MICU3: variants seen among roughly 807,000 people sequenced by gnomAD.
The protein encoded by MICU3 is mitochondrial calcium uptake 3.
In MICU3, 62 loss-of-function variants were observed where a neutral mutation model predicts 66.5. That is an observed-to-expected ratio of 0.93 (90% confidence interval 0.76 to 1.15). The LOEUF (loss-of-function observed/expected upper bound fraction) is 1.15. Among genes scored for constraint, MICU3 ranks in the 50% most tolerant of loss-of-function variants. MICU3 has a pLI of 0.00. For missense variants in MICU3, 779 were observed against 664.4 expected (o/e 1.17, Z -1.90); for synonymous variants, 308 against 240.7 (o/e 1.28, Z -2.59).
rs529461687 is a variant in MICU3, at chr8:17,080,687, T to C, written c.647-1006T>C. ...CTGTCTATAGGTCACAATATTCTAGTATAAACAAAAGAAGGGAATGAATGC... is the reference window on the plus strand; with the variant it reads ...CTGTCTATAGGTCACAATATTCTAGCATAAACAAAAGAAGGGAATGAATGC... On this transcript the variant is annotated intron_variant, in intron 4 of 14. Transcript: ENST00000318063. Among the ~76,000 whole-genome samples the C allele has an allele frequency of 5.6e-4, 85 of 152,234 alleles. 1 individual carries two copies. The highest frequency in any genetic ancestry group is 1.9e-3 in the African/African-American group (79 of 41,558).
chr8:17,070,825 G>T (rs1585331950), intron 3 of MICU3, among the ~76,000 whole-genome samples: 1 of 151,962 alleles, frequency 6.6e-6, no homozygotes, highest in Non-Finnish European at 1.5e-5. Flanking sequence ...CCCTGGTAAT[G>T]AATGCTGAAA....
intron 3 of MICU3, among the ~76,000 whole-genome samples, chr8:17,073,276 A>C (rs567165037): frequency 3.9e-5 from 6 of 152,026 alleles, no homozygotes; most frequent in Non-Finnish European, 7.4e-5. Context: ...ATTTACAGCC[A>C]CTCTCCATCA....
intron 3 of MICU3, among the ~76,000 whole-genome samples, chr8:17,070,984 C>A (rs1483405401): frequency 1.3e-5 from 2 of 152,054 alleles, no homozygotes; most frequent in African/African-American, 4.8e-5. Context: ...CAGAGTTGGA[C>A]AGTGTGAGAT....
chr8:17,037,761 C>A (rs931779896), intron 1 of MICU3, among the ~76,000 whole-genome samples: 3 of 152,190 alleles, frequency 2.0e-5, no homozygotes, highest in Non-Finnish European at 4.4e-5. Flanking sequence ...CCCATGAAAG[C>A]AGCCGGGAGT....
In MICU3 at chr8:17,086,996, G is replaced by T. The variant is rs578221124; in HGVS notation, c.810G>T (p.Lys270Asn). The T allele has an allele frequency of 1.3e-4, 215 of 1,606,780 alleles. 5 individuals carry two copies. In the South Asian group the frequency reaches 2.2e-3, roughly 17 times the overall value. The part of the protein sequence containing the change: ...LQEIFRKKNE[K>N]REIKGDEEKR... ...AGATATTCAGGAAAAAAAATGAAAA[G>T]AGAGAAATTAAAGGAGATGAAGAAA... Residue 270 changes from lysine (K) to asparagine (N), a missense_variant, in exon 7 of 15, where the codon AAG (lysine) becomes AAT (asparagine). By Grantham distance (94) the Lys-to-Asn change is moderately conservative. Transcript: ENST00000318063.
At chr8:17,040,553 T>G (rs774703752) in intron 1 of MICU3, among the ~76,000 whole-genome samples, 2 of 152,216 alleles carry the variant, frequency 1.3e-5, no homozygotes, top group Non-Finnish European at 1.5e-5. Flanking sequence ...GTAGTAGCTT[T>G]AGCAGTAATG....
the MICU3 span, chr8:17,132,232 A>T: frequency 6.6e-6 from 1 of 152,238 alleles, no homozygotes; most frequent in Non-Finnish European, 1.5e-5. Context: ...AAGTACATAC[A>T]CATGAAAAGC....
intron 4 of MICU3, among the ~76,000 whole-genome samples, chr8:17,079,600 T>C (rs1179664680): frequency 1.3e-5 from 2 of 152,118 alleles, no homozygotes; most frequent in African/African-American, 4.8e-5. Context: ...GGGAGTGCAG[T>C]GGTGCCATCA....
chr8:17,074,590 CGT>C (rs35861279), intron 3 of MICU3, among the ~76,000 whole-genome samples: 10,326 of 141,816 alleles, frequency 0.073, 389 homozygotes, highest in Middle Eastern at 0.15. Flanking sequence ...GATGTTAAAA[CGT>C]GTGTGTGTGT....
At chr8:17,068,547 C>T (rs1458692793) in intron 2 of MICU3, among the ~76,000 whole-genome samples, 1 of 152,120 alleles carries the variant, frequency 6.6e-6, no homozygotes, top group Non-Finnish European at 1.5e-5. Context: ...GCACCAGTGT[C>T]ATAGTTAAGT....
chr8:17,057,176 C>T (rs906781095), intron 1 of MICU3, among the ~76,000 whole-genome samples: 1 of 152,128 alleles, frequency 6.6e-6, no homozygotes, highest in Non-Finnish European at 1.5e-5. Flanking sequence ...TAAGTAGCAG[C>T]CTAACACCAA....
At chr8:17,107,726 ACT>A (rs1188027500) in intron 11 of MICU3, among the ~76,000 whole-genome samples, 1 of 152,132 alleles carries the variant, frequency 6.6e-6, no homozygotes, top group African/African-American at 2.4e-5. Flanking sequence ...GAAAATATTG[ACT>A]CTCTGGCCCT....
At chr8:17,071,247 TG>T (rs1180090514) in intron 3 of MICU3, among the ~76,000 whole-genome samples, 5 of 152,052 alleles carry the variant, frequency 3.3e-5, no homozygotes, top group Non-Finnish European at 5.9e-5. Context: ...ACAGATTGAG[TG>T]GGTTTAACAC....
chr8:17,073,124 G>C (rs561750870), intron 3 of MICU3, among the ~76,000 whole-genome samples: 2 of 152,244 alleles, frequency 1.3e-5, no homozygotes, highest in East Asian at 3.9e-4. Context: ...TTACTTTTGA[G>C]TGAAATTTGG....
intron 3 of MICU3, among the ~76,000 whole-genome samples, chr8:17,072,279 G>C (rs1370540248): frequency 6.6e-6 from 1 of 152,108 alleles, no homozygotes; most frequent in Non-Finnish European, 1.5e-5. Context: ...CTGTAAATCA[G>C]TGGCAGAAAG....
chr8:17,102,477 A>G (rs1801349305), intron 9 of MICU3: 1 of 150,702 alleles, frequency 6.6e-6, no homozygotes. Context: ...TGTTATGGTT[A>G]GGATTATTCC....
Position 17,120,691 on chromosome 8 carries a change from C to T in MICU3, c.*404C>T, listed in dbSNP as rs1289846754. On this transcript the variant is annotated 3_prime_UTR_variant, in exon 15 of 15. Transcript: ENST00000318063. Reference sequence around the variant, plus strand: ...GTTGATCGCCTAAAAATGAACATCGCATTTTCTTTGATTTTGGACTGTGAA... The same window carrying T: ...GTTGATCGCCTAAAAATGAACATCGTATTTTCTTTGATTTTGGACTGTGAA... 1 of 152,348 alleles carries T rather than the reference C, an allele frequency of 6.6e-6. No individual in the cohort carries two copies. Among genetic ancestry groups the T allele is most frequent in the Non-Finnish European group, 1.5e-5 (1 of 67,878 alleles). The allele number at this position is 152,348 out of a possible 1,614,324, so 9.4% of individuals were successfully genotyped here.
At chr8:17,063,646 ATTTTAC>A (rs1204533867) in intron 1 of MICU3, among the ~76,000 whole-genome samples, 2 of 152,030 alleles carry the variant, frequency 1.3e-5, no homozygotes, top group Non-Finnish European at 2.9e-5. Context: ...GCCTATTGGG[ATTTTAC>A]TTTATTCTTT....
intron 5 of MICU3, 96 bp from the exon 6 acceptor site, chr8:17,085,140 A>T: frequency 1.4e-6 from 1 of 726,414 alleles, no homozygotes; most frequent in Non-Finnish European, 2.4e-6. Flanking sequence ...ATCTTTAACC[A>T]ATACAGAATA....
Sources: gnomAD v4.1 joint callset for allele counts (sites outside exome capture counted in the v4.1 genomes callset) on GRCh38, gnomAD v4.1.1 for gene constraint, MANE v1.5 for transcripts, NCBI Gene and HGNC (gene_info 2026-07-23, HGNC 2026-07-21) for gene names.